Variants in ADGRL3 observed in about 807,000 individuals in gnomAD.
The protein encoded by ADGRL3 is adhesion G protein-coupled receptor L3, also known as calcium-independent alpha-latrotoxin receptor 3.
In ADGRL3, 62 loss-of-function variants were observed where a neutral mutation model predicts 153.5. That is an observed-to-expected ratio of 0.40 (90% CI 0.33 to 0.50). The LOEUF (loss-of-function observed/expected upper bound fraction) is 0.50, where lower values mean the gene tolerates loss of function less well. Ranked by LOEUF, ADGRL3 falls within the 20% of genes least tolerant of loss-of-function variation. ADGRL3 has a pLI of 0.47. For synonymous variants in ADGRL3, 710 were observed against 672.5 expected (o/e 1.06, Z -0.86); for missense variants, 1,641 against 1,859.4 (o/e 0.88, Z 2.16).
At chr4:61,762,079 A>T (rs2096919581) in intron 8 of ADGRL3, among the ~76,000 whole-genome samples, 1 of 152,246 alleles carries the variant, frequency 6.6e-6, no homozygotes. Flanking sequence ...TCAGAGAAGA[A>T]TCTGAGTAAA....
intron 5 of ADGRL3, among the ~76,000 whole-genome samples, chr4:61,631,119 G>C (rs7662888): frequency 0.99 from 151,477 of 152,286 alleles, 75,341 homozygotes; most frequent in Middle Eastern, 1. Flanking sequence ...TTACAATACT[G>C]TCAAAGGTTT....
intron 19 of ADGRL3, among the ~76,000 whole-genome samples, chr4:61,984,016 A>G (rs564122234): frequency 1.3e-5 from 2 of 152,286 alleles, no homozygotes; most frequent in South Asian, 4.2e-4. Context: ...TATGTCATCA[A>G]CAGAAAGAGT....
chr4:61,316,863 G>GA (rs1443799090), intron 1 of ADGRL3, among the ~76,000 whole-genome samples: 2 of 152,136 alleles, frequency 1.3e-5, no homozygotes, highest in Non-Finnish European at 2.9e-5. Flanking sequence ...AATTACATAA[G>GA]TGTCTATGCC....
intron 8 of ADGRL3, 120 bp downstream of exon 8, chr4:61,733,674 GTTCT>G: frequency 2.7e-6 from 2 of 749,268 alleles, no homozygotes; most frequent in African/African-American, 1.8e-5. Flanking sequence ...CCTGAAAATT[GTTCT>G]TTGTCTTTGC....
At chr4:61,520,867 G>A (rs1228792546) in intron 4 of ADGRL3, among the ~76,000 whole-genome samples, 6 of 151,752 alleles carry the variant, frequency 4.0e-5, no homozygotes, top group Non-Finnish European at 7.4e-5. Context: ...CTTTCCAACA[G>A]CTTTCTCTGC....
chr4:61,257,455 T>G (rs1420113296), intron 1 of ADGRL3, among the ~76,000 whole-genome samples: 2 of 152,168 alleles, frequency 1.3e-5, no homozygotes, highest in African/African-American at 4.8e-5. Context: ...ACAATAATCC[T>G]TTGGTAGCAA....
chr4:61,655,038 CATT>C (rs2094402375), intron 5 of ADGRL3, among the ~76,000 whole-genome samples: 1 of 152,084 alleles, frequency 6.6e-6, no homozygotes, highest in South Asian at 2.1e-4. Context: ...GTTGTCTTTT[CATT>C]ATTATTATTT....
At chr4:61,211,045 T>G (rs1488444815) in intron 1 of ADGRL3, among the ~76,000 whole-genome samples, 1 of 152,192 alleles carries the variant, frequency 6.6e-6, no homozygotes, top group Non-Finnish European at 1.5e-5. Flanking sequence ...TTAAATATTA[T>G]TTTACGGTCA....
At chr4:61,639,849 A>G (rs992888742) in intron 5 of ADGRL3, among the ~76,000 whole-genome samples, 1 of 152,146 alleles carries the variant, frequency 6.6e-6, no homozygotes, top group Non-Finnish European at 1.5e-5. Flanking sequence ...ATCTTTTCTA[A>G]TGAATTTAGT....
chr4:62,060,490 T>A (rs933734147), intron 25 of ADGRL3, among the ~76,000 whole-genome samples: 1 of 151,914 alleles, frequency 6.6e-6, no homozygotes, highest in Non-Finnish European at 1.5e-5. Flanking sequence ...CATTTTAACT[T>A]ATACCTTTCA....
At chr4:61,734,616 G>C (rs1245134171) in intron 8 of ADGRL3, among the ~76,000 whole-genome samples, 1 of 152,120 alleles carries the variant, frequency 6.6e-6, no homozygotes, top group East Asian at 1.9e-4. Flanking sequence ...CCTCCCACCA[G>C]GTCCTGCCCT....
chr4:61,799,551 C>T (rs577594265), intron 8 of ADGRL3, among the ~76,000 whole-genome samples: 1 of 152,214 alleles, frequency 6.6e-6, no homozygotes, highest in Non-Finnish European at 1.5e-5. Context: ...CTGACCCCTA[C>T]TCTATGAAAT....
Position 62,007,356 on chromosome 4 carries a change from TTATA to T in ADGRL3, c.3395+9116_3395+9119del, listed in dbSNP as rs71666906. 1.3e-3 allele frequency among the ~76,000 whole-genome samples: 41 copies of T among 30,918 alleles called. 2 individuals are homozygous for T. Among genetic ancestry groups the T allele is most frequent in the Admixed American group, 2.2e-3 (5 of 2,292 alleles). 20.3% of individuals were successfully genotyped at this position (30,918 alleles called of 152,430 possible). ...AGCTCAGGGCAAGAGGACAAAATGA[TTATA>T]TATATATATATATATATATATATAC... is the stretch of plus-strand genomic sequence containing the variant. On this transcript the variant is annotated intron_variant, in intron 21 of 26. Coordinates refer to ENST00000683033, the MANE Select transcript of ADGRL3 (RefSeq NM_001387552.1).
intron 13 of ADGRL3, among the ~76,000 whole-genome samples, chr4:61,915,211 G>A (rs1297783722): frequency 1.3e-5 from 2 of 149,458 alleles, no homozygotes; most frequent in Non-Finnish European, 3.0e-5. Flanking sequence ...AAGGTTTTGG[G>A]GAAAAATTGC....
intron 21 of ADGRL3, among the ~76,000 whole-genome samples, chr4:62,010,707 G>A (rs1276072088): frequency 6.6e-6 from 1 of 151,986 alleles, no homozygotes; most frequent in East Asian, 1.9e-4. Context: ...TATGAAAAGG[G>A]AACATTTAAT....
At chr4:61,755,946 A>G (rs1179982064) in intron 8 of ADGRL3, among the ~76,000 whole-genome samples, 1 of 151,942 alleles carries the variant, frequency 6.6e-6, no homozygotes, top group Non-Finnish European at 1.5e-5. Context: ...GCGGCATTAT[A>G]TCTGAGGGCT....
intron 4 of ADGRL3, among the ~76,000 whole-genome samples, chr4:61,521,070 C>G (rs2098528108): frequency 6.6e-6 from 1 of 152,118 alleles, no homozygotes; most frequent in Admixed American, 6.5e-5. Flanking sequence ...TGGCCCAGGG[C>G]CCACACAGTA....
At chr4:61,272,071 C>A (rs2093214930) in intron 1 of ADGRL3, among the ~76,000 whole-genome samples, 1 of 151,874 alleles carries the variant, frequency 6.6e-6, no homozygotes, top group Admixed American at 6.6e-5. Context: ...ACAGTCAGTT[C>A]CATGTAATTT....
At chr4:61,732,270 T>C (rs760688736) in intron 7 of ADGRL3, among the ~76,000 whole-genome samples, 1 of 152,132 alleles carries the variant, frequency 6.6e-6, no homozygotes, top group Non-Finnish European at 1.5e-5. Context: ...AGGGCTTTTC[T>C]TTTTCCTTTA....
Sources: gnomAD v4.1 joint callset for allele counts (sites outside exome capture counted in the v4.1 genomes callset) on GRCh38, gnomAD v4.1.1 for gene constraint, MANE v1.5 for transcripts, NCBI Gene and HGNC (gene_info 2026-07-23, HGNC 2026-07-21) for gene names.